Variants in ZNF592 observed in about 807,000 individuals in gnomAD.
ZNF592 encodes the protein zinc finger protein 592, also known as spinocerebellar ataxia, autosomal recessive 5.
ZNF592 carries 11 observed loss-of-function variants against 80.3 expected under a neutral mutation model. That is an observed-to-expected ratio of 0.14 (90% CI 0.09 to 0.23). The LOEUF (loss-of-function observed/expected upper bound fraction) is 0.23, where lower values mean the gene tolerates loss of function less well. Ranked by LOEUF, ZNF592 falls within the 10% of genes least tolerant of loss-of-function variation. ZNF592 has a pLI of 1.00. For synonymous variants in ZNF592, 646 were observed against 640.3 expected, an observed-to-expected ratio of 1.01 and a Z score of -0.13; for missense variants, 1,420 against 1,633.9, an observed-to-expected ratio of 0.87 and a Z score of 2.26.
chr15:84,756,863 G>A (rs1418468234), intron 1 of ZNF592, among the ~76,000 whole-genome samples: 1 of 151,994 alleles, frequency 6.6e-6, no homozygotes, highest in Non-Finnish European at 1.5e-5. Flanking sequence ...TGTAATCCCA[G>A]TACTTTGGGA....
rs746146364 is a variant in ZNF592, at chr15:84,797,865, C to G, written c.2400-4C>G. 9.9e-6 allele frequency: 16 copies of G among 1,614,102 alleles called. No homozygotes were observed. Among genetic ancestry groups the G allele is most frequent in the Non-Finnish European group, 2.5e-6 (3 of 1,180,042 alleles). On this transcript the variant is annotated splice_region_variant and splice_polypyrimidine_tract_variant and intron_variant, in intron 5 of 10. Coordinates refer to ENST00000560079, the MANE Select transcript of ZNF592 (RefSeq NM_014630.3). ...CACACTCACACTACCCCACTTCTGT[C>G]TAGGTGCATCCACTGTGGTGTCGTC... is the stretch of plus-strand genomic sequence containing the variant.
chr15:84,750,161 G>A (rs1898972947), intron 1 of ZNF592, among the ~76,000 whole-genome samples: 1 of 152,198 alleles, frequency 6.6e-6, no homozygotes, highest in South Asian at 2.1e-4. Context: ...AAATTAGCCG[G>A]GTGTGGTGGT....
chr15:84,795,089 A>G lies in ZNF592; in HGVS notation c.2400-2780A>G, dbSNP rs139929185. Among the ~76,000 whole-genome samples, 666 of 150,242 alleles carry G rather than the reference A, an allele frequency of 4.4e-3. 7 individuals are homozygous for G. The highest frequency in any genetic ancestry group is 4.9e-3 in the Non-Finnish European group (334 of 67,576). On this transcript the variant is annotated intron_variant, in intron 5 of 10. Transcript: ENST00000560079. The stretch of plus-strand genomic sequence containing the variant: ...ATGGTTATTTATATAATATATAAGT[A>G]TATAAAATTTATATGTATTTTATGT...
rs1963212372 is a variant in ZNF592, at chr15:84,805,403, T to C, written c.*3010T>C. ...AAATGCTTGCTGTAACAAGCGTTTA[T>C]CTGCACATTATGCTGCAGTGAATGC... On this transcript the variant is annotated 3_prime_UTR_variant, in exon 11 of 11. Coordinates refer to ENST00000560079, the MANE Select transcript of ZNF592 (RefSeq NM_014630.3). 1 of 152,390 alleles carries C rather than the reference T, an allele frequency of 6.6e-6. No individual in the cohort carries two copies. Among genetic ancestry groups the C allele is most frequent in the Non-Finnish European group, 1.5e-5 (1 of 68,042 alleles). The allele number at this position is 152,390 out of a possible 1,614,324, so 9.4% of individuals were successfully genotyped here.
intron 5 of ZNF592, among the ~76,000 whole-genome samples, chr15:84,794,478 CAA>C (rs1962836715): frequency 1.3e-5 from 2 of 151,416 alleles, no homozygotes; most frequent in South Asian, 4.2e-4. Flanking sequence ...TATTGGACTC[CAA>C]CTTTTTTTTT....
intron 4 of ZNF592, among the ~76,000 whole-genome samples, chr15:84,786,841 CTTTTTTTT>C (rs35391255): frequency 2.0e-4 from 14 of 70,818 alleles, no homozygotes; most frequent in Non-Finnish European, 3.3e-4. Context: ...CCTTACGTAT[CTTTTTTTT>C]TTTTTTTTTT....
At chr15:84,760,360 C>T (rs1899313841) in intron 1 of ZNF592, among the ~76,000 whole-genome samples, 4 of 152,198 alleles carry the variant, frequency 2.6e-5, no homozygotes, top group Admixed American at 2.6e-4. Flanking sequence ...ATTCTCATGG[C>T]TTGCTCTCTC....
chr15:84,787,051 A>G (rs1962609124), intron 4 of ZNF592, among the ~76,000 whole-genome samples: 1 of 151,790 alleles, frequency 6.6e-6, no homozygotes. Context: ...GAGTTTTGCC[A>G]TGTTTGCCCA....
At chr15:84,767,062 T>C (rs1899548932) in intron 2 of ZNF592, among the ~76,000 whole-genome samples, 1 of 152,174 alleles carries the variant, frequency 6.6e-6, no homozygotes, top group South Asian at 2.1e-4. Context: ...TGGCGTGATC[T>C]CGGCTCACTA....
intron 4 of ZNF592, among the ~76,000 whole-genome samples, chr15:84,790,139 A>G (rs932193277): frequency 2.2e-5 from 3 of 136,402 alleles, no homozygotes; most frequent in African/African-American, 5.4e-5. Context: ...AGAGTGGGCA[A>G]ACAGGGCTAG....
intron 1 of ZNF592, among the ~76,000 whole-genome samples, chr15:84,752,619 A>AG (rs1899045499): frequency 6.6e-6 from 1 of 152,216 alleles, no homozygotes; most frequent in East Asian, 1.9e-4. Context: ...AGGCAGGTCA[A>AG]GGAGTTTGGA....
chr15:84,796,031 G>A (rs1355380922), intron 5 of ZNF592, among the ~76,000 whole-genome samples: 4 of 151,322 alleles, frequency 2.6e-5, no homozygotes, highest in African/African-American at 4.9e-5. Context: ...AGACCAGCGC[G>A]GCCAACATGG....
rs1963157511 is a variant in ZNF592 at position 84,803,464 on chromosome 15, G to A, written c.*1071G>A. On this transcript the variant is annotated 3_prime_UTR_variant, in exon 11 of 11. Transcript: ENST00000560079. ...TTCTGGAGCTTGTGGTTAGGAAACC[G>A]GGAGCCCTGTACTACTTAGTTCTCT... 2 of 152,616 alleles carry A rather than the reference G, an allele frequency of 1.3e-5. No homozygotes were observed. The highest frequency in any genetic ancestry group is 3.9e-4 in the East Asian group (2 of 5,180). 9.5% of individuals were successfully genotyped at this position (152,616 alleles called of 1,614,324 possible).
At chr15:84,759,996 T>C (rs1354325635) in intron 1 of ZNF592, among the ~76,000 whole-genome samples, 1 of 145,212 alleles carries the variant, frequency 6.9e-6, no homozygotes, top group Admixed American at 7.1e-5. Flanking sequence ...AATATGTGCT[T>C]AGTTTAGAAA....
intron 2 of ZNF592, among the ~76,000 whole-genome samples, chr15:84,772,723 C>T (rs960269227): frequency 4.6e-5 from 7 of 152,120 alleles, no homozygotes; most frequent in African/African-American, 1.7e-4. Context: ...CGAACAATGG[C>T]AAATTCAAGA....
chr15:84,786,841 CTTTTTTTTTTTTTT>C (rs35391255), intron 4 of ZNF592, among the ~76,000 whole-genome samples: 1 of 70,818 alleles, frequency 1.4e-5, no homozygotes, highest in Admixed American at 1.8e-4. Flanking sequence ...CCTTACGTAT[CTTTTTTTTTTTTTT>C]TTTTTTTTTT....
rs375236634 is a variant in ZNF592, at chr15:84,784,662, G to T, written c.1987G>T (p.Val663Leu). 5.0e-6 allele frequency: 8 copies of T among 1,614,100 alleles called. No individual in the cohort carries two copies. The Admixed American group carries it at 5.0e-5, about 10-fold the overall frequency. The change falls in exon 4 of 11, where the codon GTG becomes TTG. Residue 663 changes from valine (V) to leucine (L), a missense_variant. Around this residue, in one of 7 missense-constraint regions of ZNF592, gnomAD observed 524 missense variants for 628.3 expected, o/e 0.83. Coordinates refer to ENST00000560079, the MANE Select transcript of ZNF592 (RefSeq NM_014630.3). The surrounding 1 kb of genome is among the most constrained non-coding windows in gnomAD (Gnocchi z 5.8). ...VKPISADQMFVSAPVNSTAPA... is the reference protein window; with the variant it reads ...VKPISADQMFLSAPVNSTAPA... ...GCCTATCTCTGCGGACCAAATGTTC[G>T]TGTCGGCCCCTGTGAACTCCACGGC... is the stretch of plus-strand genomic sequence containing the variant.
chr15:84,785,417 T>C (rs1962562278), intron 4 of ZNF592, among the ~76,000 whole-genome samples: 1 of 152,184 alleles, frequency 6.6e-6, no homozygotes, highest in African/African-American at 2.4e-5. Flanking sequence ...GTTCAAGTGA[T>C]TCTTATGCCT....
At chr15:84,756,154 C>T (rs949442919) in intron 1 of ZNF592, among the ~76,000 whole-genome samples, 3 of 152,196 alleles carry the variant, frequency 2.0e-5, no homozygotes, top group Middle Eastern at 3.2e-3. Flanking sequence ...ATTTGTAACC[C>T]TCACATGCAT....
Sources: allele counts gnomAD v4.1 joint callset (sites outside exome capture counted in the v4.1 genomes callset), GRCh38; gene constraint gnomAD v4.1.1; regional missense constraint gnomAD v4.1.1; non-coding constraint Gnocchi (gnomAD v3.1); transcripts MANE v1.5; gene names NCBI Gene and HGNC (gene_info 2026-07-23, HGNC 2026-07-21).